The following TGFA variants were observed in gnomAD, a reference collection of about 807,000 sequenced individuals.
TGFA encodes transforming growth factor alpha, also known as protransforming growth factor alpha.
In TGFA, 12 loss-of-function variants were observed where a neutral mutation model predicts 21.7. The observed-to-expected ratio is 0.55, with a 90% CI of 0.35 to 0.90. TGFA has a LOEUF of 0.90. Among genes scored for constraint, TGFA ranks in the 40% least tolerant of loss-of-function variants. The pLI, the probability that TGFA is intolerant of heterozygous loss-of-function variation, is 0.01. For missense variants in TGFA, 178 were observed against 210.8 expected, an observed-to-expected ratio of 0.84 and a Z score of 0.96; for synonymous variants, 79 against 88.1, an observed-to-expected ratio of 0.90 and a Z score of 0.58.
rs201474695 is a variant in TGFA, at chr2:70,480,268, C to T, written c.95-14532G>A. ...GCCTTGACTGTGTCCTTTCTTAAGG[C>T]ATTGGCAGGATCCAGATGGCCTGCC... On this transcript the variant is annotated intron_variant, in intron 2 of 5. Transcript: ENST00000295400. 5.9e-5 allele frequency among the ~76,000 whole-genome samples: 9 copies of T among 152,276 alleles called. No individual in the cohort carries two copies. In the East Asian group the frequency reaches 1.7e-3, roughly 29 times the overall value.
chr2:70,451,197 G>A (rs1670046979), intron 5 of TGFA, among the ~76,000 whole-genome samples: 1 of 152,246 alleles, frequency 6.6e-6, no homozygotes, highest in Non-Finnish European at 1.5e-5. Flanking sequence ...TCCTGTAAGG[G>A]GTGGCTTGGT....
At chr2:70,451,728 C>T (rs1553489633) in intron 5 of TGFA, 3 of 695,808 alleles carry the variant, frequency 4.3e-6, no homozygotes, top group Non-Finnish European at 2.6e-6. Context: ...AAAATATTTA[C>T]CTTCATTAGC....
At chr2:70,533,835 G>A (rs979220577) in intron 1 of TGFA, among the ~76,000 whole-genome samples, 1 of 152,014 alleles carries the variant, frequency 6.6e-6, no homozygotes, top group Non-Finnish European at 1.5e-5. Context: ...AGACCATAAG[G>A]TCCTTTAAAT....
At chr2:70,459,013 T>G (rs1290695061) in intron 3 of TGFA, among the ~76,000 whole-genome samples, 4 of 152,240 alleles carry the variant, frequency 2.6e-5, no homozygotes, top group Non-Finnish European at 1.5e-5. Flanking sequence ...GGGTTAGGGT[T>G]AGTGCTTCTT....
intron 2 of TGFA, among the ~76,000 whole-genome samples, chr2:70,486,211 G>C (rs1050371734): frequency 6.6e-6 from 1 of 152,180 alleles, no homozygotes; most frequent in Non-Finnish European, 1.5e-5. Context: ...GACCTCTGTA[G>C]ACTTAGATGG....
At chr2:70,475,786 G>A (rs782186065) in intron 2 of TGFA, among the ~76,000 whole-genome samples, 15 of 152,044 alleles carry the variant, frequency 9.9e-5, no homozygotes, top group South Asian at 2.1e-4. Flanking sequence ...AAAGATGCAC[G>A]ACATACATAT....
intron 5 of TGFA, chr2:70,451,857 C>T (rs1670070321): frequency 3.0e-6 from 2 of 664,622 alleles, no homozygotes; most frequent in South Asian, 1.6e-5. Flanking sequence ...TGTCATCAGA[C>T]TCAGTTTACC....
At chr2:70,547,278 T>C (rs1553506047) in intron 1 of TGFA, among the ~76,000 whole-genome samples, 4 of 152,126 alleles carry the variant, frequency 2.6e-5, no homozygotes, top group Admixed American at 6.5e-5. Flanking sequence ...AGAAATGCTA[T>C]AGATGAATGT....
At chr2:70,481,458 A>G (rs1472560854) in intron 2 of TGFA, among the ~76,000 whole-genome samples, 1 of 152,216 alleles carries the variant, frequency 6.6e-6, no homozygotes, top group African/African-American at 2.4e-5. Context: ...GCCACACAGA[A>G]TAAGTCTCCC....
chr2:70,460,999 A>G (rs782692916), intron 3 of TGFA, among the ~76,000 whole-genome samples: 3 of 152,190 alleles, frequency 2.0e-5, no homozygotes, highest in Non-Finnish European at 2.9e-5. Context: ...TAGTCCCACT[A>G]CTTAAGAGTC....
intron 2 of TGFA, among the ~76,000 whole-genome samples, chr2:70,510,894 A>C (rs1553500851): frequency 6.6e-6 from 1 of 152,124 alleles, no homozygotes. Context: ...TAATCCCAGC[A>C]CTTTGGGAGG....
chr2:70,456,570 G>A, intron 3 of TGFA, 82 bp from the exon 4 acceptor site: 1 of 1,478,400 alleles, frequency 6.8e-7, no homozygotes, highest in East Asian at 2.5e-5. Context: ...TTTCCTGGAG[G>A]GACCCAGAGC....
rs999003720 is a variant in TGFA at position 70,553,330 on chromosome 2, G to A, written c.40+398C>T. 3.7e-5 allele frequency: 56 copies of A among 1,497,992 alleles called. No individual in the cohort carries two copies. The African/African-American group carries it at 6.5e-4, about 17-fold the overall frequency. The allele number at this position is 1,497,992 out of a possible 1,614,324, so 92.8% of individuals were successfully genotyped here. On this transcript the variant is annotated intron_variant, in intron 1 of 5. Coordinates refer to ENST00000295400, the MANE Select transcript of TGFA (RefSeq NM_003236.4). ...GCCAGAGGGTTAGACGCCGGCCCCC[G>A]TTCCGAGGCGGCCCAGTCTACACGC...
In TGFA at chr2:70,513,907, G is replaced by C. The variant is rs182238752; in HGVS notation, c.94+952C>G. Among the ~76,000 whole-genome samples, 6 of 152,312 alleles carry C rather than the reference G, an allele frequency of 3.9e-5. No individual in the cohort carries two copies. The East Asian group carries it at 1.2e-3, about 29-fold the overall frequency. The stretch of plus-strand genomic sequence containing the variant: ...TGTGGGACTGGTGCACTCACACACT[G>C]CTGGGAGAAATCAGCACCATTCACT... On this transcript the variant is annotated intron_variant, in intron 2 of 5. Coordinates refer to ENST00000295400, the MANE Select transcript of TGFA (RefSeq NM_003236.4).
intron 1 of TGFA, among the ~76,000 whole-genome samples, chr2:70,532,658 C>T (rs782487751): frequency 8.5e-5 from 13 of 152,194 alleles, no homozygotes; most frequent in Admixed American, 1.3e-4. Flanking sequence ...GTTCATTTCT[C>T]AAGGCTCGGG....
At chr2:70,461,685 C>T (rs1249892276) in intron 3 of TGFA, 4 of 152,178 alleles carry the variant, frequency 2.6e-5, no homozygotes, top group Non-Finnish European at 5.9e-5. Context: ...AGGCAGCAGA[C>T]CAATGGTGTG....
intron 2 of TGFA, among the ~76,000 whole-genome samples, chr2:70,503,659 C>T (rs2103820629): frequency 6.6e-6 from 1 of 151,738 alleles, no homozygotes; most frequent in African/African-American, 2.4e-5. Flanking sequence ...GGTCATCTGG[C>T]TCCTGACTTT....
chr2:70,467,333 G>A (rs1260056118), intron 2 of TGFA: 1 of 152,104 alleles, frequency 6.6e-6, no homozygotes, highest in African/African-American at 2.4e-5. Flanking sequence ...GGCTGAGATG[G>A]GTCCTACTCA....
In TGFA at chr2:70,465,637, T is replaced by A; in HGVS notation, c.194A>T (p.Gln65Leu). Residue 65 changes from glutamine (Q) to leucine (L), a missense_variant, in exon 3 of 6, where the codon CAG becomes CTG. Physicochemically the swap from Gln to Leu is moderately radical, Grantham distance 113. Coordinates refer to ENST00000295400, the MANE Select transcript of TGFA (RefSeq NM_003236.4). Reference protein sequence around the residue: ...CFHGTCRFLVQEDKPACVCHS... With the variant: ...CFHGTCRFLVLEDKPACVCHS... ...TTACACACATGCTGGCTTGTCCTCC[T>A]GCACCAAAAACCTGCAGGTTCCATG... is the stretch of plus-strand genomic sequence containing the variant. 1 of 1,614,158 alleles carries A rather than the reference T, an allele frequency of 6.2e-7. No individual in the cohort carries two copies. Among genetic ancestry groups the A allele is most frequent in the Non-Finnish European group, 8.5e-7 (1 of 1,180,008 alleles).
Sources: allele counts gnomAD v4.1 joint callset (sites outside exome capture counted in the v4.1 genomes callset), GRCh38; gene constraint gnomAD v4.1.1; transcripts MANE v1.5; gene names NCBI Gene and HGNC (gene_info 2026-07-23, HGNC 2026-07-21).